The following GBP7 variants were observed in gnomAD, a reference collection of about 807,000 sequenced individuals.
The protein encoded by GBP7 is guanylate binding protein 7, also known as guanylate-binding protein 7.
Under a neutral mutation model 61.3 loss-of-function variants are expected in GBP7, and 43 were observed. The observed-to-expected ratio is 0.70, with a 90% CI of 0.55 to 0.91. GBP7 has a LOEUF of 0.91. Ranked by LOEUF, GBP7 falls within the 40% of genes least tolerant of loss-of-function variation. The pLI, the probability that GBP7 is intolerant of heterozygous loss-of-function variation, is 0.00. For synonymous variants in GBP7, 267 were observed against 271.0 expected, an observed-to-expected ratio of 0.99 and a Z score of 0.14; for missense variants, 717 against 740.5, an observed-to-expected ratio of 0.97 and a Z score of 0.37.
chr1:89,146,073 T>G (rs1682056156), intron 8 of GBP7, among the ~76,000 whole-genome samples: 1 of 152,088 alleles, frequency 6.6e-6, no homozygotes, highest in African/African-American at 2.4e-5. Context: ...ACTACAAAGG[T>G]ATCAAGTAGT....
chr1:89,156,542 G>T (rs887690508), intron 3 of GBP7, among the ~76,000 whole-genome samples: 2 of 152,094 alleles, frequency 1.3e-5, no homozygotes, highest in Non-Finnish European at 2.9e-5. Flanking sequence ...AACAAAAAAA[G>T]CGGGGGTTGC....
chr1:89,143,763 C>G (rs1262398465), intron 8 of GBP7, among the ~76,000 whole-genome samples: 1 of 152,152 alleles, frequency 6.6e-6, no homozygotes, highest in Admixed American at 6.6e-5. Flanking sequence ...AGAGAACTCA[C>G]TATCACACAG....
At chr1:89,140,721 T>C (rs1681919638) in intron 9 of GBP7, among the ~76,000 whole-genome samples, 1 of 152,130 alleles carries the variant, frequency 6.6e-6, no homozygotes, top group South Asian at 2.1e-4. Context: ...GGAAAATAAA[T>C]CATTCTACCA....
chr1:89,133,715 G>A (rs960515534), intron 9 of GBP7, among the ~76,000 whole-genome samples: 1 of 152,200 alleles, frequency 6.6e-6, no homozygotes, highest in Admixed American at 6.5e-5. Flanking sequence ...ATCCTGAGCA[G>A]CTCCTGGGGA....
rs1350154024 is a variant in GBP7 at position 89,134,695 on chromosome 1, T to C, written c.1469-1244A>G. Among the ~76,000 whole-genome samples the C allele has an allele frequency of 2.0e-5, 3 of 150,464 alleles. No homozygotes were observed. In the East Asian group the frequency reaches 5.9e-4, roughly 29 times the overall value. On this transcript the variant is annotated intron_variant, in intron 9 of 10. Coordinates refer to ENST00000294671, the MANE Select transcript of GBP7 (RefSeq NM_207398.3). The stretch of plus-strand genomic sequence containing the variant: ...AACAAAATAAAAGCCAAAAACCCCA[T>C]GAAAGAAACAGACACTTCAAAGACT...
intron 7 of GBP7, among the ~76,000 whole-genome samples, chr1:89,148,959 A>G (rs1682129497): frequency 6.6e-6 from 1 of 152,236 alleles, no homozygotes; most frequent in Non-Finnish European, 1.5e-5. Flanking sequence ...AAGCTAATTA[A>G]CATATATATT....
intron 9 of GBP7, among the ~76,000 whole-genome samples, chr1:89,137,490 G>A (rs1045775288): frequency 6.6e-6 from 1 of 152,126 alleles, no homozygotes; most frequent in Non-Finnish European, 1.5e-5. Flanking sequence ...GGAATGCAAG[G>A]TTGATTCAGC....
chr1:89,170,452 A>G (rs1647567118), intron 2 of GBP7, among the ~76,000 whole-genome samples: 1 of 152,178 alleles, frequency 6.6e-6, no homozygotes, highest in Admixed American at 6.5e-5. Context: ...TTAGCCTGAA[A>G]CCCACTCCTT....
intron 9 of GBP7, among the ~76,000 whole-genome samples, chr1:89,140,460 G>A (rs1238189542): frequency 7.0e-5 from 10 of 143,860 alleles, no homozygotes; most frequent in South Asian, 2.2e-4. Context: ...AAAAAAAACT[G>A]AAAAAAAAAA....
chr1:89,159,444 A>G (rs1284965458), intron 3 of GBP7, among the ~76,000 whole-genome samples: 7 of 152,196 alleles, frequency 4.6e-5, no homozygotes, highest in African/African-American at 1.7e-4. Flanking sequence ...AGGGGAGAAA[A>G]TGTTTACAAT....
At position 89,150,505 on chromosome 1, in the gene GBP7, C is replaced by T. The variant is rs752249908; in HGVS notation, c.696G>A (p.Lys232=). 5.6e-6 allele frequency: 9 copies of T among 1,613,884 alleles called. No individual in the cohort carries two copies. Among genetic ancestry groups the T allele is most frequent in the African/African-American group, 1.3e-5 (1 of 74,908 alleles). The change falls in exon 6 of 11, where the codon AAG becomes AAA. Residue 232 remains lysine, a synonymous_variant. Coordinates refer to ENST00000294671, the MANE Select transcript of GBP7 (RefSeq NM_207398.3). The part of the protein sequence containing the change: ...EWIRHFFPKQ[K]CFVFDRPIND... ...TTATTGGCCGGTCAAAGACAAAGCACTTCTGTTTTGGAAAGAAATGCCTGA... is the reference window on the plus strand; with the variant it reads ...TTATTGGCCGGTCAAAGACAAAGCATTTCTGTTTTGGAAAGAAATGCCTGA...
intron 5 of GBP7, 111 bp from the exon 6 acceptor site, chr1:89,150,686 A>G: frequency 2.7e-6 from 3 of 1,098,870 alleles, no homozygotes; most frequent in Non-Finnish European, 2.7e-6. Flanking sequence ...GTGTCTGTGA[A>G]TCTACTCTAT....
chr1:89,171,511 T>G (rs1054985255), intron 2 of GBP7, among the ~76,000 whole-genome samples: 5 of 151,962 alleles, frequency 3.3e-5, no homozygotes, highest in Admixed American at 6.6e-5. Flanking sequence ...GCATTATTAT[T>G]TAATTTTTTT....
Position 89,152,229 on chromosome 1 carries a change from G to A in GBP7, c.625+39C>T, listed in dbSNP as rs375010398. On this transcript the variant is annotated intron_variant, in intron 5 of 10. Coordinates refer to ENST00000294671, the MANE Select transcript of GBP7 (RefSeq NM_207398.3). ...CGGTAGGTCCTAGTTGATCCCACCC[G>A]CTACTGAACCTTCTCCCATCTAGGC... 1.5e-5 allele frequency: 23 copies of A among 1,581,394 alleles called. No homozygotes were observed. The African/African-American group carries it at 1.5e-4, about 10-fold the overall frequency.
Position 89,150,429 on chromosome 1 carries a change from C to G in GBP7, c.772G>C (p.Asp258His), listed in dbSNP as rs554486286. 6.2e-7 allele frequency: 1 copy of G among 1,613,934 alleles called. No homozygotes were observed. Among genetic ancestry groups the G allele is most frequent in the Non-Finnish European group, 8.5e-7 (1 of 1,179,942 alleles). Residue 258 changes from aspartate (D) to histidine (H), a missense_variant, in exon 6 of 11, where the codon GAT becomes CAT. Asp to His is a moderately conservative substitution (Grantham distance 81). Around this residue, in one of 3 missense-constraint regions of GBP7, gnomAD observed 387 missense variants for 385.2 expected, o/e 1.00. Transcript: ENST00000294671. ...TCTGATTGCATCTGGAAATTACTAT[C>G]CAGTTGGTCTTCTCGTACTTCTTCA... The part of the protein sequence containing the change: ...HVEEVREDQL[D>H]SNFQMQSENF...
intron 1 of GBP7, among the ~76,000 whole-genome samples, chr1:89,173,594 A>G (rs1294638165): frequency 6.6e-6 from 1 of 152,296 alleles, no homozygotes; most frequent in East Asian, 1.9e-4. Context: ...CTTTAGCCTT[A>G]TATACACACT....
At chr1:89,158,195 T>C (rs1257525137) in intron 3 of GBP7, among the ~76,000 whole-genome samples, 2 of 152,202 alleles carry the variant, frequency 1.3e-5, no homozygotes, top group Non-Finnish European at 2.9e-5. Flanking sequence ...AAACTAGGTG[T>C]TGATGGGATG....
chr1:89,139,450 T>G (rs1430206965), intron 9 of GBP7, among the ~76,000 whole-genome samples: 1 of 149,162 alleles, frequency 6.7e-6, no homozygotes, highest in Admixed American at 6.7e-5. Flanking sequence ...CAAATGGGAT[T>G]TAATTAAACT....
intron 9 of GBP7, among the ~76,000 whole-genome samples, chr1:89,133,931 A>T (rs1298388296): frequency 6.6e-6 from 1 of 152,140 alleles, no homozygotes; most frequent in East Asian, 1.9e-4. Flanking sequence ...AGGAACTCCC[A>T]TCCCCCAAGG....
Sources: allele counts gnomAD v4.1 joint callset (sites outside exome capture counted in the v4.1 genomes callset), GRCh38; gene constraint gnomAD v4.1.1; regional missense constraint gnomAD v4.1.1; transcripts MANE v1.5; gene names NCBI Gene and HGNC (gene_info 2026-07-23, HGNC 2026-07-21).